The following RGS7 variants were observed in gnomAD, a reference collection of about 807,000 sequenced individuals.
RGS7 encodes the protein regulator of G protein signaling 7.
Under a neutral mutation model 81.1 loss-of-function variants are expected in RGS7, and 27 were observed. The observed-to-expected ratio is 0.33, with a 90% CI of 0.25 to 0.46. RGS7 has a LOEUF of 0.46. Ranked by LOEUF, RGS7 falls within the 20% of genes least tolerant of loss-of-function variation. The pLI is 1.00. For missense variants in RGS7, 396 were observed against 607.4 expected, an observed-to-expected ratio of 0.65 and a Z score of 3.66; for synonymous variants, 208 against 207.7, an observed-to-expected ratio of 1.00 and a Z score of -0.01.
intron 2 of RGS7, among the ~76,000 whole-genome samples, chr1:241,107,096 C>A (rs575925004): frequency 6.6e-6 from 1 of 152,254 alleles, no homozygotes; most frequent in Non-Finnish European, 1.5e-5. Context: ...AACTCGAAGA[C>A]GGGCACATAA....
chr1:240,883,910 T>G (rs2148104685), intron 6 of RGS7, among the ~76,000 whole-genome samples: 1 of 151,968 alleles, frequency 6.6e-6, no homozygotes, highest in Admixed American at 6.6e-5. Context: ...ACCCCGTCTC[T>G]ACTAAAAATA....
chr1:240,926,165 T>C (rs1457265333), intron 6 of RGS7, among the ~76,000 whole-genome samples: 2 of 152,218 alleles, frequency 1.3e-5, no homozygotes, highest in African/African-American at 4.8e-5. Context: ...CACTTGTCAA[T>C]TTTGGTTTCT....
At chr1:240,884,948 A>T (rs927202553) in intron 6 of RGS7, among the ~76,000 whole-genome samples, 1 of 152,246 alleles carries the variant, frequency 6.6e-6, no homozygotes, top group Non-Finnish European at 1.5e-5. Flanking sequence ...AGAAGAAATT[A>T]CCAACAGAGT....
rs114134581 is a variant in RGS7 at position 241,021,565 on chromosome 1, A to G, written c.176-38436T>C. On this transcript the variant is annotated intron_variant, in intron 3 of 18. Transcript: ENST00000440928. ...ATACGTATCCAGTTTCAGAATAAGA[A>G]CCAAGTATTTGCTGACTGAGTGTCA... 3.2e-3 allele frequency among the ~76,000 whole-genome samples: 494 copies of G among 152,278 alleles called. 4 individuals are homozygous for G. The highest frequency in any genetic ancestry group is 0.011 in the African/African-American group (461 of 41,556).
At position 240,868,867 on chromosome 1, in the gene RGS7, C is replaced by T. The variant is rs1423970460; in HGVS notation, c.451-15G>A. 3 of 1,613,016 alleles carry T rather than the reference C, an allele frequency of 1.9e-6. No individual in the cohort carries two copies. Among genetic ancestry groups the T allele is most frequent in the Non-Finnish European group, 1.7e-6 (2 of 1,179,170 alleles). Reference sequence around the variant, plus strand: ...GCCAGGCTCTCCTGAAAAACATACCCCAGGTGAAGACATTTGGTGTTCATT... The same window carrying T: ...GCCAGGCTCTCCTGAAAAACATACCTCAGGTGAAGACATTTGGTGTTCATT... On this transcript the variant is annotated splice_polypyrimidine_tract_variant and intron_variant, in intron 7 of 18. Coordinates refer to ENST00000440928, the MANE Select transcript of RGS7 (RefSeq NM_001364886.1). This position sits in a 1 kb window ranked among gnomAD's most constrained non-coding sequence, Gnocchi z 5.1.
At chr1:241,263,234 G>T (rs572997254) in intron 2 of RGS7, among the ~76,000 whole-genome samples, 2 of 151,032 alleles carry the variant, frequency 1.3e-5, no homozygotes, top group Admixed American at 6.6e-5. Context: ...CCGAGATCTC[G>T]CCACTGCACC....
chr1:241,208,085 T>C (rs1256527214), intron 2 of RGS7, among the ~76,000 whole-genome samples: 2 of 152,146 alleles, frequency 1.3e-5, no homozygotes, highest in East Asian at 1.9e-4. Flanking sequence ...TTTGTAGTTT[T>C]AGTAGAGATG....
At chr1:241,039,923 G>A (rs2060522946) in intron 3 of RGS7, among the ~76,000 whole-genome samples, 1 of 152,150 alleles carries the variant, frequency 6.6e-6, no homozygotes, top group African/African-American at 2.4e-5. Context: ...TAAGATTCAG[G>A]GACTTTGCTG....
At chr1:241,036,570 T>TA (rs2060339310) in intron 3 of RGS7, among the ~76,000 whole-genome samples, 1 of 152,206 alleles carries the variant, frequency 6.6e-6, no homozygotes, top group Middle Eastern at 3.2e-3. Flanking sequence ...CTTCTCATTC[T>TA]AAAAATACCT....
intron 3 of RGS7, among the ~76,000 whole-genome samples, chr1:241,029,009 T>C (rs531244789): frequency 8.6e-4 from 131 of 152,060 alleles, no homozygotes; most frequent in African/African-American, 3.1e-3. Context: ...AGCCAAGAGA[T>C]TGGACCAACG....
At chr1:241,114,166 T>C (rs1357610145) in intron 2 of RGS7, among the ~76,000 whole-genome samples, 1 of 152,112 alleles carries the variant, frequency 6.6e-6, no homozygotes, top group Non-Finnish European at 1.5e-5. Context: ...AAGTCCAAAA[T>C]GGTCAAGACT....
intron 2 of RGS7, among the ~76,000 whole-genome samples, chr1:241,201,221 G>A (rs1267571614): frequency 6.6e-6 from 1 of 152,106 alleles, no homozygotes; most frequent in African/African-American, 2.4e-5. Context: ...ATCTGCCTGA[G>A]GGATTTCAAG....
chr1:241,028,964 A>G (rs1162086770), intron 3 of RGS7, among the ~76,000 whole-genome samples: 1 of 152,206 alleles, frequency 6.6e-6, no homozygotes, highest in East Asian at 1.9e-4. Context: ...GAAACTAAGA[A>G]TAAGATGAAT....
chr1:241,017,244 C>T (rs1000434695), intron 3 of RGS7, among the ~76,000 whole-genome samples: 2 of 152,070 alleles, frequency 1.3e-5, no homozygotes, highest in African/African-American at 2.4e-5. Context: ...GAGTCTGAGA[C>T]CAGCCTGGTC....
intron 2 of RGS7, among the ~76,000 whole-genome samples, chr1:241,230,859 G>C (rs1280394411): frequency 6.6e-6 from 1 of 152,194 alleles, no homozygotes; most frequent in African/African-American, 2.4e-5. Context: ...GACCCCTCAT[G>C]GTGCTCTAAG....
chr1:241,307,856 A>C (rs2080271529), intron 2 of RGS7, among the ~76,000 whole-genome samples: 1 of 152,200 alleles, frequency 6.6e-6, no homozygotes. Context: ...CAAGCTCCAT[A>C]ACATTGGGTG....
At chr1:240,882,002 C>T (rs528468735) in intron 6 of RGS7, among the ~76,000 whole-genome samples, 5 of 152,060 alleles carry the variant, frequency 3.3e-5, no homozygotes, top group Non-Finnish European at 5.9e-5. Flanking sequence ...GTTATCTCCA[C>T]CTCCCTGGTT....
chr1:241,021,130 AG>A (rs1277076824), intron 3 of RGS7, among the ~76,000 whole-genome samples: 4 of 152,230 alleles, frequency 2.6e-5, no homozygotes, highest in African/African-American at 9.6e-5. Flanking sequence ...CCAGAACCAA[AG>A]AAGCTCTATT....
chr1:240,825,946 C>A (rs1446992460), intron 10 of RGS7, among the ~76,000 whole-genome samples: 1 of 152,140 alleles, frequency 6.6e-6, no homozygotes, highest in Non-Finnish European at 1.5e-5. Context: ...TAAAGTATTT[C>A]GAAGAGTAAT....
Sources: gnomAD v4.1 joint callset for allele counts (sites outside exome capture counted in the v4.1 genomes callset) on GRCh38, gnomAD v4.1.1 for gene constraint, Gnocchi (gnomAD v3.1) non-coding constraint, MANE v1.5 for transcripts, NCBI Gene and HGNC (gene_info 2026-07-23, HGNC 2026-07-21) for gene names.